Variants in TRIO observed in about 807,000 individuals in gnomAD.
TRIO encodes the protein triple functional domain protein.
TRIO carries 58 observed loss-of-function variants against 351.9 expected under a neutral mutation model. The ratio of observed to expected loss-of-function variants is 0.16; its 90% CI spans 0.13 to 0.21. The LOEUF (loss-of-function observed/expected upper bound fraction) is 0.21, where lower values mean the gene tolerates loss of function less well. Among genes scored for constraint, TRIO ranks in the 10% least tolerant of loss-of-function variants. The pLI, the probability that TRIO is intolerant of heterozygous loss-of-function variation, is 1.00. For synonymous variants in TRIO, 1,758 were observed against 1,595.7 expected (o/e 1.10, Z -2.42); for missense variants, 3,201 against 4,027.8 (o/e 0.79, Z 5.56).
intron 34 of TRIO, among the ~76,000 whole-genome samples, chr5:14,437,999 T>C (rs1162036440): frequency 6.6e-6 from 1 of 152,262 alleles, no homozygotes; most frequent in African/African-American, 2.4e-5. Flanking sequence ...ACTATCTTGA[T>C]GGATCTTCTG....
intron 38 of TRIO, 29 bp downstream of exon 38, chr5:14,471,495 G>A (rs1474920821): frequency 2.5e-6 from 4 of 1,612,170 alleles, no homozygotes; most frequent in Admixed American, 3.3e-5. Context: ...CATTCTTATT[G>A]TTCTCTGGGT....
chr5:14,368,950 C>A, intron 17 of TRIO, 51 bp downstream of exon 17: 1 of 1,562,944 alleles, frequency 6.4e-7, no homozygotes, highest in Non-Finnish European at 8.7e-7. Context: ...TTATTTTGAG[C>A]TTAATTTATT....
intron 21 of TRIO, 153 bp from the exon 22 acceptor site, chr5:14,387,285 G>T: frequency 4.7e-6 from 3 of 634,356 alleles, no homozygotes; most frequent in Non-Finnish European, 8.0e-6. Context: ...TCCGGGAGAT[G>T]GAGTGGGTGG....
intron 49 of TRIO, among the ~76,000 whole-genome samples, chr5:14,493,937 A>C (rs1756685472): frequency 6.6e-6 from 1 of 152,228 alleles, no homozygotes; most frequent in East Asian, 1.9e-4. Context: ...CCAAAGCCCA[A>C]CCCAGAACAA....
At chr5:14,436,649 A>G (rs1017655496) in intron 34 of TRIO, among the ~76,000 whole-genome samples, 12 of 152,220 alleles carry the variant, frequency 7.9e-5, no homozygotes, top group Admixed American at 2.6e-4. Flanking sequence ...GGGTATAGAT[A>G]TTGGGTAAAT....
chr5:14,500,095 A>G (rs542471237), intron 53 of TRIO, among the ~76,000 whole-genome samples: 1 of 152,042 alleles, frequency 6.6e-6, no homozygotes, highest in Non-Finnish European at 1.5e-5. Flanking sequence ...GGAAATGCAA[A>G]TGGGAAAATA....
chr5:14,376,879 T>A (rs1745609684), intron 19 of TRIO, among the ~76,000 whole-genome samples: 1 of 152,228 alleles, frequency 6.6e-6, no homozygotes, highest in Non-Finnish European at 1.5e-5. Context: ...CCTTACTCTT[T>A]CCAACACTGG....
At chr5:14,232,146 C>T (rs1034934979) in intron 1 of TRIO, among the ~76,000 whole-genome samples, 4 of 152,078 alleles carry the variant, frequency 2.6e-5, no homozygotes, top group Non-Finnish European at 4.4e-5. Context: ...CCTGTGGTTG[C>T]CTAAGGTCAT....
At chr5:14,244,980 C>CGAGTTAAGTACTT (rs1275121766) in intron 1 of TRIO, among the ~76,000 whole-genome samples, 2 of 152,144 alleles carry the variant, frequency 1.3e-5, no homozygotes, top group Non-Finnish European at 2.9e-5. Flanking sequence ...GATGCAGCTC[C>CGAGTTAAGTACTT]GAGTTAAGTA....
rs1424501871 is a variant in TRIO at position 14,495,836 on chromosome 5, C to T, written c.7881-1043C>T. Among the ~76,000 whole-genome samples, 4 of 152,070 alleles carry T rather than the reference C, an allele frequency of 2.6e-5. No homozygotes were observed. In the East Asian group the frequency reaches 7.7e-4, roughly 29 times the overall value. On this transcript the variant is annotated intron_variant, in intron 49 of 56. Transcript: ENST00000344204. The stretch of plus-strand genomic sequence containing the variant: ...AAAAAAAAATAGCTGAGCGTAGTGG[C>T]AGGCGCCTGTAGTCCCAGTTACTTG...
intron 46 of TRIO, among the ~76,000 whole-genome samples, chr5:14,483,014 C>T (rs1404086107): frequency 1.3e-5 from 2 of 152,240 alleles, no homozygotes; most frequent in Admixed American, 6.5e-5. Flanking sequence ...ATGATGAGAA[C>T]TGGTCATGGG....
At chr5:14,427,240 C>T (rs1008230473) in intron 34 of TRIO, among the ~76,000 whole-genome samples, 23 of 152,316 alleles carry the variant, frequency 1.5e-4, no homozygotes, top group African/African-American at 4.8e-4. Flanking sequence ...GGTGAGGTCA[C>T]GGCTTAGCCT....
At chr5:14,410,102 T>C (rs1561457398) in intron 33 of TRIO, among the ~76,000 whole-genome samples, 1 of 152,136 alleles carries the variant, frequency 6.6e-6, no homozygotes, top group African/African-American at 2.4e-5. Context: ...AAGGATGAAA[T>C]GTCGTGTCGT....
At chr5:14,328,465 T>C (rs1178030678) in intron 9 of TRIO, among the ~76,000 whole-genome samples, 1 of 151,922 alleles carries the variant, frequency 6.6e-6, no homozygotes. Flanking sequence ...GCTCAATACG[T>C]GAGTTAAAAC....
chr5:14,385,559 A>G (rs562464436), intron 21 of TRIO, among the ~76,000 whole-genome samples: 7 of 152,312 alleles, frequency 4.6e-5, no homozygotes, highest in East Asian at 1.9e-4. Context: ...AAATACTTAT[A>G]TACATTTGCG....
chr5:14,499,985 AG>A (rs529277270), intron 53 of TRIO, among the ~76,000 whole-genome samples: 11 of 146,444 alleles, frequency 7.5e-5, no homozygotes, highest in South Asian at 2.2e-4. Context: ...CAGGAGGCAG[AG>A]GTTGCAGTGA....
intron 1 of TRIO, among the ~76,000 whole-genome samples, chr5:14,255,052 A>G (rs1794954630): frequency 6.6e-6 from 1 of 152,162 alleles, no homozygotes; most frequent in Admixed American, 6.5e-5. Flanking sequence ...TAGAATCCAA[A>G]ATTGATTTCA....
At chr5:14,353,251 C>A (rs1203529447) in intron 11 of TRIO, among the ~76,000 whole-genome samples, 1 of 149,008 alleles carries the variant, frequency 6.7e-6, no homozygotes, top group Non-Finnish European at 1.5e-5. Flanking sequence ...ATTGTCTTCT[C>A]ATTGAAACTT....
At chr5:14,479,809 C>A in intron 42 of TRIO, 110 bp from the exon 43 acceptor site, 2 of 952,894 alleles carry the variant, frequency 2.1e-6, no homozygotes, top group Non-Finnish European at 3.1e-6. Context: ...TGCTTTTTTT[C>A]CTCGTTACTT....
Sources: gnomAD v4.1 joint callset for allele counts (sites outside exome capture counted in the v4.1 genomes callset) on GRCh38, gnomAD v4.1.1 for gene constraint, MANE v1.5 for transcripts, NCBI Gene and HGNC (gene_info 2026-07-23, HGNC 2026-07-21) for gene names.